Variants in SLC25A48 observed in about 807,000 individuals in gnomAD.
SLC25A48 encodes CTC-321K16.1.
Under a neutral mutation model 32.2 loss-of-function variants are expected in SLC25A48, and 29 were observed. The observed-to-expected ratio is 0.90, with a 90% CI of 0.67 to 1.23. The LOEUF is 1.23. SLC25A48 is among the 50% of genes most tolerant of loss of function. The pLI, the probability that SLC25A48 is intolerant of heterozygous loss-of-function variation, is 0.00. For synonymous variants in SLC25A48, 164 were observed against 172.3 expected, an observed-to-expected ratio of 0.95 and a Z score of 0.38; for missense variants, 399 against 422.7, an observed-to-expected ratio of 0.94 and a Z score of 0.49.
chr5:135,807,351 G>T lies in SLC25A48; in HGVS notation c.-520-5172G>T, dbSNP rs187276957. On this transcript the variant is annotated intron_variant, in intron 3 of 10. Coordinates refer to the SLC25A48 transcript ENST00000646290. ...TCACTAGATATAAATATCATATCTT[G>T]TTAATATCTTAGTGTGTTAACACTA... Among the ~76,000 whole-genome samples the T allele has an allele frequency of 8.1e-5, 12 of 148,714 alleles. No homozygotes were observed. The East Asian group carries it at 2.5e-3, about 31-fold the overall frequency.
At chr5:135,835,058 G>A (rs1758382094) in intron 1 of SLC25A48, 165 bp downstream of exon 1, 2 of 831,972 alleles carry the variant, frequency 2.4e-6, no homozygotes, top group Admixed American at 2.0e-5. Flanking sequence ...TGGTGGTCTT[G>A]CAGTTGCCAG....
intron 3 of SLC25A48, among the ~76,000 whole-genome samples, chr5:135,738,086 T>A (rs1561469946): frequency 6.6e-6 from 1 of 152,166 alleles, no homozygotes; most frequent in East Asian, 1.9e-4. Context: ...TACTCTCAGG[T>A]TTCTAGCTAC....
chr5:135,839,208 G>T (rs1366912899), intron 1 of SLC25A48, among the ~76,000 whole-genome samples: 1 of 152,170 alleles, frequency 6.6e-6, no homozygotes, highest in Non-Finnish European at 1.5e-5. Flanking sequence ...CTAACTCCTG[G>T]GAGACACTCA....
At chr5:135,703,948 G>T (rs990137251) in intron 3 of SLC25A48, among the ~76,000 whole-genome samples, 2 of 152,188 alleles carry the variant, frequency 1.3e-5, no homozygotes, top group African/African-American at 4.8e-5. Context: ...CTTGCACAAT[G>T]CCAGACTCAG....
chr5:135,670,761 G>A (rs1032681557), intron 3 of SLC25A48, among the ~76,000 whole-genome samples: 6 of 152,124 alleles, frequency 3.9e-5, no homozygotes, highest in East Asian at 1.9e-4. Context: ...AAGTACTGAC[G>A]TCATGGAAGC....
chr5:135,729,165 G>A (rs552520917), intron 3 of SLC25A48, among the ~76,000 whole-genome samples: 1 of 152,246 alleles, frequency 6.6e-6, no homozygotes, highest in Admixed American at 6.5e-5. Flanking sequence ...CCCTACTGTA[G>A]AGCTTTGACT....
chr5:135,588,597 C>T (rs1751430164), intron 1 of SLC25A48, among the ~76,000 whole-genome samples: 1 of 152,192 alleles, frequency 6.6e-6, no homozygotes, highest in Non-Finnish European at 1.5e-5. Context: ...AAGGCAGTCC[C>T]ATCCAGGTTG....
chr5:135,793,156 G>A (rs1269904512), intron 3 of SLC25A48, among the ~76,000 whole-genome samples: 1 of 150,496 alleles, frequency 6.6e-6, no homozygotes, highest in Admixed American at 6.6e-5. Flanking sequence ...CGTAATATCC[G>A]GGGGAGATGT....
chr5:135,750,353 C>G (rs879376909), intron 3 of SLC25A48, among the ~76,000 whole-genome samples: 1 of 152,152 alleles, frequency 6.6e-6, no homozygotes, highest in African/African-American at 2.4e-5. Context: ...CTTAATGTGG[C>G]TTCATTCGAC....
chr5:135,589,757 C>T (rs1183596882), intron 1 of SLC25A48, among the ~76,000 whole-genome samples: 5 of 152,158 alleles, frequency 3.3e-5, no homozygotes, highest in East Asian at 1.9e-4. Flanking sequence ...TGCAGTGGCA[C>T]GATCTTGGCT....
At chr5:135,692,433 T>C (rs1052705422) in intron 3 of SLC25A48, among the ~76,000 whole-genome samples, 1 of 152,192 alleles carries the variant, frequency 6.6e-6, no homozygotes, top group Admixed American at 6.5e-5. Context: ...TCAAATGTGC[T>C]GCCCTGAGAA....
intron 3 of SLC25A48, among the ~76,000 whole-genome samples, chr5:135,703,627 C>T (rs758029950): frequency 4.6e-5 from 7 of 152,168 alleles, no homozygotes; most frequent in Non-Finnish European, 8.8e-5. Context: ...CTTGACTCTC[C>T]AGTCTACTCC....
Position 135,809,049 on chromosome 5 carries a change from C to T in SLC25A48, c.-520-3474C>T, listed in dbSNP as rs1168002467. Among the ~76,000 whole-genome samples the T allele has an allele frequency of 2.0e-5, 3 of 152,178 alleles. No individual in the cohort carries two copies. In the East Asian group the frequency reaches 5.8e-4, roughly 29 times the overall value. On this transcript the variant is annotated intron_variant, in intron 3 of 10. Transcript: ENST00000646290. ...GGTCGGGGGGGCTCATGCCTGTCAT[C>T]CCAGCACTTTGGGAGGCTAAGACGG...
At chr5:135,785,976 G>A (rs549462641) in intron 3 of SLC25A48, among the ~76,000 whole-genome samples, 3 of 151,194 alleles carry the variant, frequency 2.0e-5, no homozygotes, top group African/African-American at 7.3e-5. Flanking sequence ...CCCATGGGGC[G>A]GGGGTTGAAA....
intron 3 of SLC25A48, among the ~76,000 whole-genome samples, chr5:135,769,253 C>T (rs1756333586): frequency 1.9e-5 from 1 of 52,038 alleles, no homozygotes. Context: ...ATTTTGTTTG[C>T]AATATTGGGG....
chr5:135,759,847 T>C (rs373927592), intron 3 of SLC25A48, among the ~76,000 whole-genome samples: 1 of 93,506 alleles, frequency 1.1e-5, no homozygotes, highest in Non-Finnish European at 2.4e-5. Context: ...TTTTTTTTTT[T>C]GAGACAGAGT....
intron 3 of SLC25A48, among the ~76,000 whole-genome samples, chr5:135,792,910 A>T (rs1351591264): frequency 6.6e-6 from 1 of 151,482 alleles, no homozygotes; most frequent in Non-Finnish European, 1.5e-5. Flanking sequence ...ACCCTGGGAT[A>T]TGGTTCGTAA....
chr5:135,603,859 A>AGTGGGAGGTGGGAGGTGGGAG (rs75004128), intron 1 of SLC25A48, among the ~76,000 whole-genome samples: 2 of 151,024 alleles, frequency 1.3e-5, no homozygotes, highest in African/African-American at 4.9e-5. Flanking sequence ...TCCACTGTGA[A>AGTGGGAGGTGGGAGGTGGGAG]GTGGGAGGTG....
intron 3 of SLC25A48, among the ~76,000 whole-genome samples, chr5:135,774,845 ATAT>A (rs898353720): frequency 7.2e-5 from 11 of 151,904 alleles, no homozygotes; most frequent in Admixed American, 2.0e-4. Flanking sequence ...ATTGTCCCTA[ATAT>A]TGAGGTAAGG....
Sources: allele counts gnomAD v4.1 joint callset (sites outside exome capture counted in the v4.1 genomes callset), GRCh38; gene constraint gnomAD v4.1.1; transcripts MANE v1.5; gene names NCBI Gene and HGNC (gene_info 2026-07-23, HGNC 2026-07-21).